The following RXFP2 variants were observed in gnomAD, a reference collection of about 807,000 sequenced individuals.
The protein encoded by RXFP2 is relaxin family peptide receptor 2.
RXFP2 carries 68 observed loss-of-function variants against 88.6 expected under a neutral mutation model. The observed-to-expected ratio is 0.77, with a 90% CI of 0.63 to 0.94. RXFP2 has a LOEUF of 0.94. Ranked by LOEUF, RXFP2 falls within the 40% of genes least tolerant of loss-of-function variation. The pLI, the probability that RXFP2 is intolerant of heterozygous loss-of-function variation, is 0.00. For missense variants in RXFP2, 791 were observed against 893.9 expected, an observed-to-expected ratio of 0.88 and a Z score of 1.47; for synonymous variants, 329 against 306.8, an observed-to-expected ratio of 1.07 and a Z score of -0.76.
intron 11 of RXFP2, 147 bp from the exon 12 acceptor site, chr13:31,786,236 G>A (rs943862700): frequency 7.0e-6 from 5 of 712,030 alleles, no homozygotes; most frequent in African/African-American, 1.8e-5. Flanking sequence ...TGACTCATAC[G>A]GCCCTGTTGT....
intron 1 of RXFP2, among the ~76,000 whole-genome samples, chr13:31,742,372 G>A (rs186694767): frequency 6.6e-6 from 1 of 152,300 alleles, no homozygotes; most frequent in Admixed American, 6.5e-5. Flanking sequence ...ACTCTGACTT[G>A]AGAAAAGGTT....
At chr13:31,783,996 T>G (rs1333002849) in intron 11 of RXFP2, among the ~76,000 whole-genome samples, 1 of 148,266 alleles carries the variant, frequency 6.7e-6, no homozygotes, top group Admixed American at 6.7e-5. Flanking sequence ...TTTTTTTTTT[T>G]TTGTATTTTT....
At chr13:31,759,937 C>T (rs1872219153) in intron 2 of RXFP2, among the ~76,000 whole-genome samples, 1 of 152,126 alleles carries the variant, frequency 6.6e-6, no homozygotes, top group South Asian at 2.1e-4. Flanking sequence ...AGTGTCTCCT[C>T]CTCCAGGAGG....
intron 13 of RXFP2, among the ~76,000 whole-genome samples, chr13:31,787,792 G>A (rs1370135457): frequency 7.2e-5 from 11 of 152,182 alleles, no homozygotes; most frequent in Admixed American, 5.2e-4. Flanking sequence ...GGCGAACGCC[G>A]CCATGCCAGG....
intron 8 of RXFP2, 64 bp from the exon 9 acceptor site, chr13:31,778,447 AT>A (rs1873097122): frequency 1.8e-6 from 2 of 1,127,870 alleles, no homozygotes; most frequent in African/African-American, 3.1e-5. Flanking sequence ...TTTTAAAATA[AT>A]AAAAAGACTG....
At chr13:31,781,613 T>G in intron 9 of RXFP2, 58 bp from the exon 10 acceptor site, 1 of 1,228,308 alleles carries the variant, frequency 8.1e-7, no homozygotes, top group South Asian at 1.2e-5. Flanking sequence ...AAAAAGTATC[T>G]CTAAGCATAT....
intron 1 of RXFP2, among the ~76,000 whole-genome samples, chr13:31,754,037 C>A (rs1871804381): frequency 1.3e-5 from 2 of 152,154 alleles, no homozygotes; most frequent in African/African-American, 2.4e-5. Flanking sequence ...GAAATGCAGT[C>A]GGCAGGTTCT....
chr13:31,768,477 A>G (rs879241406), intron 5 of RXFP2, among the ~76,000 whole-genome samples: 2 of 152,168 alleles, frequency 1.3e-5, no homozygotes, highest in Admixed American at 1.3e-4. Flanking sequence ...AGACACCGTT[A>G]CAGCAGTTTC....
intron 1 of RXFP2, among the ~76,000 whole-genome samples, chr13:31,752,075 A>G (rs1375661225): frequency 6.6e-6 from 1 of 152,192 alleles, no homozygotes; most frequent in African/African-American, 2.4e-5. Context: ...ACCCACATAA[A>G]GACACCCAGG....
intron 10 of RXFP2, 42 bp downstream of exon 10, chr13:31,781,784 T>C (rs748059564): frequency 6.7e-7 from 1 of 1,484,338 alleles, no homozygotes; most frequent in Admixed American, 1.7e-5. Context: ...GGAAACCCTA[T>C]ATATTTGGAA....
chr13:31,742,153 T>A (rs1468109517), intron 1 of RXFP2, among the ~76,000 whole-genome samples: 1 of 152,228 alleles, frequency 6.6e-6, no homozygotes, highest in Non-Finnish European at 1.5e-5. Flanking sequence ...CATGGGCTTA[T>A]GTAAGAAAGT....
intron 1 of RXFP2, among the ~76,000 whole-genome samples, chr13:31,757,985 G>T (rs926609582): frequency 1.3e-5 from 2 of 152,076 alleles, no homozygotes; most frequent in African/African-American, 4.8e-5. Flanking sequence ...TTGGCTACTC[G>T]GGAGGCTGAG....
intron 17 of RXFP2, among the ~76,000 whole-genome samples, chr13:31,798,484 G>T (rs908102997): frequency 2.0e-5 from 3 of 152,214 alleles, no homozygotes; most frequent in African/African-American, 4.8e-5. Context: ...CATGTGGGGA[G>T]ACCCAGTTGC....
chr13:31,797,526 A>C, intron 17 of RXFP2, 107 bp downstream of exon 17: 1 of 818,430 alleles, frequency 1.2e-6, no homozygotes, highest in African/African-American at 1.7e-5. Flanking sequence ...ATAAAAACCA[A>C]TACAAAGTTA....
intron 8 of RXFP2, 33 bp from the exon 9 acceptor site, chr13:31,778,479 T>C: frequency 7.0e-7 from 1 of 1,435,106 alleles, no homozygotes; most frequent in South Asian, 1.2e-5. Context: ...GTCATATCAT[T>C]TTATTTCTAA....
rs764255499 is a variant in RXFP2, at chr13:31,758,273, A to G, written c.110A>G (p.Gln37Arg). 1.2e-6 allele frequency: 2 copies of G among 1,613,948 alleles called. No homozygotes were observed. The highest frequency in any genetic ancestry group is 1.1e-5 in the South Asian group (1 of 91,070). The change falls in exon 2 of 18, where the codon CAA (glutamine) becomes CGA (arginine). Residue 37 changes from glutamine to arginine, a missense_variant. Physicochemically the swap from Gln to Arg is conservative, Grantham distance 43. Coordinates refer to ENST00000298386, the MANE Select transcript of RXFP2 (RefSeq NM_130806.5). ...LINVKDFALT[Q>R]GSMITPSCQK... The stretch of plus-strand genomic sequence containing the variant: ...TTTCATGTAGATTTTGCACTGACTC[A>G]AGGTAGCATGATCACTCCTTCATGC...
At chr13:31,779,930 C>T (rs1013251302) in intron 9 of RXFP2, among the ~76,000 whole-genome samples, 4 of 152,064 alleles carry the variant, frequency 2.6e-5, no homozygotes, top group Non-Finnish European at 4.4e-5. Context: ...CTATTAAAAA[C>T]GGAAATAATG....
chr13:31,802,443 T>A lies in RXFP2; in HGVS notation c.*38T>A. The stretch of plus-strand genomic sequence containing the variant: ...ATCACTGGACTTTCAGTGGACTACC[T>A]AAAACAGGGGACAGCTTTTGGAAGA... On this transcript the variant is annotated 3_prime_UTR_variant, in exon 18 of 18. Transcript: ENST00000298386. 6.2e-7 allele frequency: 1 copy of A among 1,604,958 alleles called. No homozygotes were observed. Among genetic ancestry groups the A allele is most frequent in the Non-Finnish European group, 8.5e-7 (1 of 1,173,896 alleles).
chr13:31,763,026 C>T (rs1765257506), intron 3 of RXFP2, among the ~76,000 whole-genome samples: 1 of 150,578 alleles, frequency 6.6e-6, no homozygotes, highest in Non-Finnish European at 1.5e-5. Context: ...ATTAGAGCAG[C>T]GAGTCTCAGC....
Sources: allele counts gnomAD v4.1 joint callset (sites outside exome capture counted in the v4.1 genomes callset), GRCh38; gene constraint gnomAD v4.1.1; transcripts MANE v1.5; gene names NCBI Gene and HGNC (gene_info 2026-07-23, HGNC 2026-07-21).